CALN1: variants seen among roughly 807,000 people sequenced by gnomAD.
The protein encoded by CALN1 is calcium-binding protein 8.
A neutral mutation model predicts 30.6 loss-of-function variants in CALN1; 17 were observed. The observed-to-expected ratio is 0.56, with a 90% CI of 0.38 to 0.83. CALN1 has a LOEUF of 0.83. CALN1 is among the 40% of genes least tolerant of loss of function. CALN1 has a pLI of 0.00. For synonymous variants in CALN1, 156 were observed against 131.4 expected (o/e 1.19, Z -1.28); for missense variants, 291 against 354.9 (o/e 0.82, Z 1.45).
intron 2 of CALN1, among the ~76,000 whole-genome samples, chr7:72,352,897 A>C (rs1803009708): frequency 6.6e-6 from 1 of 152,200 alleles, no homozygotes; most frequent in Non-Finnish European, 1.5e-5. Flanking sequence ...CCAAGTACCA[A>C]GATCAGGAAT....
chr7:71,981,973 C>T (rs1798421188), intron 5 of CALN1, among the ~76,000 whole-genome samples: 1 of 152,178 alleles, frequency 6.6e-6, no homozygotes, highest in South Asian at 2.1e-4. Flanking sequence ...GGAAACACTG[C>T]AGGCTCCCAG....
rs112516271 is a variant in CALN1, at chr7:71,986,478, G to A, written c.501+37179C>T. Among the ~76,000 whole-genome samples, 541 of 152,344 alleles carry A rather than the reference G, an allele frequency of 3.6e-3. 4 individuals carry two copies. The highest frequency in any genetic ancestry group is 0.012 in the African/African-American group (519 of 41,578). Reference sequence around the variant, plus strand: ...TATTCTCAACACGCACAGTGTGGGTGAACAGAAACTGGCTGAGCAGAATAA... The same window carrying A: ...TATTCTCAACACGCACAGTGTGGGTAAACAGAAACTGGCTGAGCAGAATAA... On this transcript the variant is annotated intron_variant, in intron 5 of 6. Transcript: ENST00000395275.
At chr7:72,345,413 G>GAAAA (rs71069059) in intron 2 of CALN1, among the ~76,000 whole-genome samples, 1 of 143,948 alleles carries the variant, frequency 6.9e-6, no homozygotes, top group African/African-American at 2.6e-5. Flanking sequence ...AAAGAAAGAA[G>GAAAA]AGAAAGGAAA....
At chr7:72,273,623 A>T (rs1334078360) in intron 3 of CALN1, among the ~76,000 whole-genome samples, 5 of 150,346 alleles carry the variant, frequency 3.3e-5, no homozygotes, top group African/African-American at 9.8e-5. Flanking sequence ...GGCTCAGGCG[A>T]TCCTCCCACC....
At chr7:72,496,306 T>C in the CALN1 span, among the ~76,000 whole-genome samples, 2 of 152,234 alleles carry the variant, frequency 1.3e-5, no homozygotes, top group African/African-American at 4.8e-5. Flanking sequence ...AAAGTAATGA[T>C]AGTACACATC....
At chr7:72,436,798 C>T (rs983657241) in intron 1 of CALN1, among the ~76,000 whole-genome samples, 19 of 152,272 alleles carry the variant, frequency 1.2e-4, no homozygotes, top group Middle Eastern at 3.4e-3. Flanking sequence ...AATTCTCAGC[C>T]TCTTCCCAGC....
At chr7:71,876,449 C>A (rs1036122617) in intron 5 of CALN1, among the ~76,000 whole-genome samples, 1 of 152,144 alleles carries the variant, frequency 6.6e-6, no homozygotes, top group African/African-American at 2.4e-5. Context: ...GACTTCCCAG[C>A]CTCCAGAACC....
At chr7:71,848,561 G>C (rs557149608) in intron 5 of CALN1, among the ~76,000 whole-genome samples, 6 of 152,046 alleles carry the variant, frequency 3.9e-5, no homozygotes, top group Non-Finnish European at 7.4e-5. Context: ...TAACACTAAA[G>C]GGGTTATTAC....
chr7:72,030,592 G>A (rs1185588662), intron 4 of CALN1, among the ~76,000 whole-genome samples: 1 of 152,100 alleles, frequency 6.6e-6, no homozygotes, highest in Non-Finnish European at 1.5e-5. Context: ...GAAACAAATA[G>A]AATCTCAGAG....
At chr7:72,331,393 C>T (rs899532973) in intron 2 of CALN1, among the ~76,000 whole-genome samples, 4 of 152,098 alleles carry the variant, frequency 2.6e-5, no homozygotes, top group Non-Finnish European at 1.5e-5. Flanking sequence ...AGGAGGAAAA[C>T]AGTCTCTCCC....
intron 5 of CALN1, among the ~76,000 whole-genome samples, chr7:71,820,975 GAC>G (rs769407141): frequency 1.9e-4 from 29 of 152,292 alleles, no homozygotes; most frequent in Non-Finnish European, 3.7e-4. Flanking sequence ...CATCCAGGGA[GAC>G]ACCTGGGTTT....
intron 3 of CALN1, among the ~76,000 whole-genome samples, chr7:72,198,054 ATATAT>A (rs1353380904): frequency 6.6e-6 from 1 of 152,162 alleles, no homozygotes; most frequent in Non-Finnish European, 1.5e-5. Flanking sequence ...GCGCTCCCTG[ATATAT>A]TAAATATAAG....
At chr7:72,374,908 A>G (rs1432250698) in intron 2 of CALN1, among the ~76,000 whole-genome samples, 2 of 152,216 alleles carry the variant, frequency 1.3e-5, no homozygotes, top group Non-Finnish European at 1.5e-5. Context: ...GATCATCTGT[A>G]AACACTGTGA....
intron 2 of CALN1, among the ~76,000 whole-genome samples, chr7:72,321,207 G>A (rs28713535): frequency 0.038 from 5,780 of 152,102 alleles, 147 homozygotes; most frequent in South Asian, 0.098. Flanking sequence ...CTTGAGTTTC[G>A]CATTTATTGT....
intron 3 of CALN1, among the ~76,000 whole-genome samples, chr7:72,187,215 G>C (rs1237849684): frequency 1.3e-5 from 2 of 152,012 alleles, no homozygotes; most frequent in African/African-American, 2.4e-5. Flanking sequence ...AAAGATTCCT[G>C]GGTGTCTTGT....
At position 72,332,023 on chromosome 7, in the gene CALN1, C is replaced by T. The variant is rs112417003; in HGVS notation, c.120-53213G>A. 3.8e-3 allele frequency among the ~76,000 whole-genome samples: 573 copies of T among 152,302 alleles called. 4 individuals are homozygous for T. The highest frequency in any genetic ancestry group is 0.013 in the African/African-American group (541 of 41,566). On this transcript the variant is annotated intron_variant, in intron 2 of 6. Coordinates refer to ENST00000395275, the MANE Select transcript of CALN1 (RefSeq NM_031468.4). ...GCTCCATCCATGTCCCTGCAAAGGA[C>T]ATGAACTCATCATTTTTTATGGCTG...
chr7:72,133,238 T>C lies in CALN1; in HGVS notation c.245-26944A>G, dbSNP rs144189765. Among the ~76,000 whole-genome samples the C allele has an allele frequency of 1.4e-3, 206 of 152,334 alleles. 1 individual carries two copies. Among genetic ancestry groups the C allele is most frequent in the African/African-American group, 4.7e-3 (197 of 41,564 alleles). ...TGACGCGAGAAATGTTCGTAATTTA[T>C]TGTCAAGTGGAAATACAGAGTCATG... On this transcript the variant is annotated intron_variant, in intron 3 of 6. Transcript: ENST00000395275.
chr7:71,944,890 T>C (rs1388085952), intron 5 of CALN1, among the ~76,000 whole-genome samples: 1 of 152,152 alleles, frequency 6.6e-6, no homozygotes, highest in Non-Finnish European at 1.5e-5. Context: ...AGAAAACACA[T>C]GTACGTCTTT....
At chr7:71,836,634 T>A (rs1335101992) in intron 5 of CALN1, among the ~76,000 whole-genome samples, 3 of 150,964 alleles carry the variant, frequency 2.0e-5, no homozygotes, top group African/African-American at 2.4e-5. Flanking sequence ...TTTTTTTTTT[T>A]TTTTTCTGAG....
Sources: allele counts gnomAD v4.1 joint callset (sites outside exome capture counted in the v4.1 genomes callset), GRCh38; gene constraint gnomAD v4.1.1; transcripts MANE v1.5; gene names NCBI Gene and HGNC (gene_info 2026-07-23, HGNC 2026-07-21).